Variants in NUP133 observed in about 807,000 individuals in gnomAD.
NUP133 encodes the protein nucleoporin 133.
A neutral mutation model predicts 146.2 loss-of-function variants in NUP133; 66 were observed. The observed-to-expected ratio is 0.45, with a 90% CI of 0.37 to 0.55. The LOEUF (loss-of-function observed/expected upper bound fraction) is 0.55. Ranked by LOEUF, NUP133 falls within the 20% of genes least tolerant of loss-of-function variation. NUP133 has a pLI of 0.00. For synonymous variants in NUP133, 521 were observed against 498.8 expected, an observed-to-expected ratio of 1.04 and a Z score of -0.59; for missense variants, 1,277 against 1,374.8, an observed-to-expected ratio of 0.93 and a Z score of 1.12.
At chr1:229,446,405 T>C (rs546401002) in intron 24 of NUP133, among the ~76,000 whole-genome samples, 39 of 151,492 alleles carry the variant, frequency 2.6e-4, no homozygotes, top group Non-Finnish European at 4.4e-4. Context: ...TGAGGCTCTG[T>C]CTCAAAAACA....
intron 20 of NUP133, among the ~76,000 whole-genome samples, chr1:229,458,949 G>C (rs1383822435): frequency 6.6e-6 from 1 of 152,010 alleles, no homozygotes; most frequent in African/African-American, 2.4e-5. Flanking sequence ...TGCAAATTAT[G>C]TGGGAAAATA....
At chr1:229,502,845 T>A (rs1661839962) in intron 2 of NUP133, among the ~76,000 whole-genome samples, 1 of 147,884 alleles carries the variant, frequency 6.8e-6, no homozygotes, top group African/African-American at 2.5e-5. Flanking sequence ...ACTTCCCAGC[T>A]ACTAGGGTGA....
chr1:229,495,362 G>T, intron 8 of NUP133, 133 bp downstream of exon 8: 1 of 658,282 alleles, frequency 1.5e-6, no homozygotes, highest in Non-Finnish European at 2.7e-6. Flanking sequence ...CTGTATTCCA[G>T]CCCGGGTGAT....
intron 23 of NUP133, 133 bp from the exon 24 acceptor site, chr1:229,449,323 T>G (rs1660387635): frequency 3.3e-6 from 2 of 608,278 alleles, no homozygotes; most frequent in Non-Finnish European, 5.7e-6. Flanking sequence ...GGTTACTCTG[T>G]GGTGATGATG....
At chr1:229,498,728 C>T (rs1287482013) in intron 5 of NUP133, among the ~76,000 whole-genome samples, 1 of 150,842 alleles carries the variant, frequency 6.6e-6, no homozygotes, top group African/African-American at 2.4e-5. Flanking sequence ...TGCAATCCAG[C>T]CTGGGTGACA....
chr1:229,498,681 A>G (rs886584499), intron 5 of NUP133, among the ~76,000 whole-genome samples: 4 of 151,262 alleles, frequency 2.6e-5, no homozygotes, highest in Non-Finnish European at 4.4e-5. Context: ...GCTTGAACCC[A>G]GGAGGCAGAG....
chr1:229,475,746 G>A lies in NUP133; in HGVS notation c.1757-14C>T, dbSNP rs762413908. 1.3e-6 allele frequency: 2 copies of A among 1,585,476 alleles called. No homozygotes were observed. The highest frequency in any genetic ancestry group is 2.2e-5 in the South Asian group (2 of 90,502). On this transcript the variant is annotated splice_polypyrimidine_tract_variant and intron_variant, in intron 13 of 25. Coordinates refer to ENST00000261396, the MANE Select transcript of NUP133 (RefSeq NM_018230.3). ...ACCCAGGTGCTTCTGTTAAAACACA[G>A]TGATAAAACTTAGAACATAGTGGTT...
At chr1:229,456,657 A>T (rs145558994) in intron 21 of NUP133, among the ~76,000 whole-genome samples, 1 of 152,138 alleles carries the variant, frequency 6.6e-6, no homozygotes, top group Non-Finnish European at 1.5e-5. Context: ...AACTAGGTAT[A>T]CTCATGCTAC....
chr1:229,467,917 C>T (rs1435219375), intron 15 of NUP133, among the ~76,000 whole-genome samples: 3 of 129,604 alleles, frequency 2.3e-5, no homozygotes, highest in Non-Finnish European at 4.7e-5. Flanking sequence ...GAGCAAGACT[C>T]AGTCTCAAAA....
At chr1:229,488,753 G>A (rs1050342806) in intron 9 of NUP133, among the ~76,000 whole-genome samples, 1 of 151,960 alleles carries the variant, frequency 6.6e-6, no homozygotes, top group Admixed American at 6.6e-5. Flanking sequence ...TGAGAGGACT[G>A]CTTGAGACCA....
intron 10 of NUP133, among the ~76,000 whole-genome samples, chr1:229,487,157 C>T (rs921044598): frequency 2.6e-5 from 4 of 152,138 alleles, no homozygotes; most frequent in African/African-American, 4.8e-5. Context: ...AAAGCATCAA[C>T]TCAGAATATG....
At chr1:229,499,429 G>A (rs1467481576) in intron 5 of NUP133, among the ~76,000 whole-genome samples, 5 of 151,656 alleles carry the variant, frequency 3.3e-5, no homozygotes, top group Admixed American at 6.6e-5. Context: ...ATCCCTCCCC[G>A]GCCTCTATAG....
Position 229,495,900 on chromosome 1 carries a change from C to T in NUP133, c.967G>A (p.Ala323Thr). Residue 323 changes from alanine (A) to threonine (T), a missense_variant, in exon 7 of 26, where the codon GCT (alanine) becomes ACT (threonine). By Grantham distance (58) the Ala-to-Thr change is moderately conservative (BLOSUM62 0). Coordinates refer to ENST00000261396, the MANE Select transcript of NUP133 (RefSeq NM_018230.3). Reference sequence around the variant, plus strand: ...ATATTATTGTTTCTTACCCAAATAGCATCGGTAATGTTTTCCTTCAGGGCT... The same window carrying T: ...ATATTATTGTTTCTTACCCAAATAGTATCGGTAATGTTTTCCTTCAGGGCT... ...NRALKENITD[A>T]IWGSESNYEA... 1.3e-6 allele frequency: 2 copies of T among 1,591,088 alleles called. No individual in the cohort carries two copies. Among genetic ancestry groups the T allele is most frequent in the Non-Finnish European group, 1.7e-6 (2 of 1,172,090 alleles).
chr1:229,476,879 G>A (rs368272581), intron 13 of NUP133, among the ~76,000 whole-genome samples: 5 of 147,676 alleles, frequency 3.4e-5, no homozygotes, highest in East Asian at 2.0e-4. Flanking sequence ...AGCTGAGATC[G>A]TGCCACTGCA....
intron 12 of NUP133, among the ~76,000 whole-genome samples, chr1:229,481,632 G>A (rs184214679): frequency 7.5e-4 from 113 of 151,262 alleles, no homozygotes; most frequent in African/African-American, 2.5e-3. Context: ...CAGGGAGGCA[G>A]AGGTTGCAGT....
chr1:229,448,896 G>A (rs1274514585), intron 24 of NUP133: 3 of 523,556 alleles, frequency 5.7e-6, no homozygotes, highest in Non-Finnish European at 1.0e-5. Flanking sequence ...ATCAAAGTCA[G>A]GGGCAGTCTG....
In NUP133 at chr1:229,508,128, G is replaced by C; in HGVS notation, c.122C>G (p.Ser41Cys). The C allele has an allele frequency of 6.3e-7, 1 of 1,585,576 alleles. No homozygotes were observed. ...GAAGAGCACTGGGGAGCTGACTGCA[G>C]ACCCCAGGGGCAGACCCTTCCTGCT... ...TASRKGLPLGSAVSSPVLFSP... is the reference protein window; with the variant it reads ...TASRKGLPLGCAVSSPVLFSP... Residue 41 changes from serine (S) to cysteine (C), a missense_variant, in exon 1 of 26, where the codon TCT becomes TGT. Physicochemically the swap from Ser to Cys is moderately radical, Grantham distance 112. This residue lies in a region of NUP133 where 319 missense variants were observed against 306.9 expected (regional missense o/e 1.04). Transcript: ENST00000261396.
chr1:229,452,591 C>T lies in NUP133; in HGVS notation c.3033G>A (p.Gln1011=). ...GATTTAGCTGTTTCTCCGCCAGCAG[C>T]TGTTCAGGTAGGGTCTCCTGATGCA... ...FLLHQETLPE[Q]LLAEKQLNLS... is the part of the protein sequence containing the mutation. Residue 1011 remains glutamine (Q), a synonymous_variant, in exon 22 of 26, where the codon CAG becomes CAA. Coordinates refer to ENST00000261396, the MANE Select transcript of NUP133 (RefSeq NM_018230.3). 1.2e-6 allele frequency: 2 copies of T among 1,613,942 alleles called. No homozygotes were observed. Among genetic ancestry groups the T allele is most frequent in the African/African-American group, 1.3e-5 (1 of 75,042 alleles).
chr1:229,504,769 G>C lies in NUP133; in HGVS notation c.301+1271C>G, dbSNP rs573625534. Reference sequence around the variant, plus strand: ...CTTTTATCTGCAGTTTCAAATACCTGTGGTCAATCGTAGTCTGAAAATATT... The same window carrying C: ...CTTTTATCTGCAGTTTCAAATACCTCTGGTCAATCGTAGTCTGAAAATATT... On this transcript the variant is annotated intron_variant, in intron 2 of 25. Transcript: ENST00000261396. Among the ~76,000 whole-genome samples the C allele has an allele frequency of 3.1e-3, 465 of 152,306 alleles. 2 individuals are homozygous for C. The highest frequency in any genetic ancestry group is 0.011 in the African/African-American group (453 of 41,558).
Sources: allele counts gnomAD v4.1 joint callset (sites outside exome capture counted in the v4.1 genomes callset), GRCh38; gene constraint gnomAD v4.1.1; regional missense constraint gnomAD v4.1.1; transcripts MANE v1.5; gene names NCBI Gene and HGNC (gene_info 2026-07-23, HGNC 2026-07-21).